Variants in FGF14 observed in about 807,000 individuals in gnomAD.
FGF14 encodes the protein fibroblast growth factor 14, also known as fibroblast growth factor homologous factor 4.
In FGF14, 5 loss-of-function variants were observed where a neutral mutation model predicts 25.5. The observed-to-expected ratio is 0.20, with a 90% CI of 0.10 to 0.41. The LOEUF (loss-of-function observed/expected upper bound fraction) is 0.41, where lower values mean the gene tolerates loss of function less well. Ranked by LOEUF, FGF14 falls within the 10% of genes least tolerant of loss-of-function variation. The pLI, the probability that FGF14 is intolerant of heterozygous loss-of-function variation, is 1.00. For missense variants in FGF14, 222 were observed against 320.1 expected (o/e 0.69, Z 2.34); for synonymous variants, 138 against 118.3 (o/e 1.17, Z -1.08).
At chr13:102,363,420 G>A (rs1191088947) in intron 1 of FGF14, among the ~76,000 whole-genome samples, 1 of 152,200 alleles carries the variant, frequency 6.6e-6, no homozygotes, top group Non-Finnish European at 1.5e-5. Context: ...ATGGTCAACT[G>A]GGAAATCAGA....
intron 3 of FGF14, among the ~76,000 whole-genome samples, chr13:101,759,254 A>G (rs1031901624): frequency 6.6e-6 from 1 of 152,124 alleles, no homozygotes; most frequent in Non-Finnish European, 1.5e-5. Flanking sequence ...GGCCAATGAG[A>G]TGCTCTCAAC....
At chr13:102,132,481 G>A (rs759418808) in intron 1 of FGF14, among the ~76,000 whole-genome samples, 12 of 151,078 alleles carry the variant, frequency 7.9e-5, no homozygotes, top group Admixed American at 1.3e-4. Flanking sequence ...TTTCTGTCTC[G>A]TCTCTTAAAA....
At chr13:102,368,513 G>A (rs1427719048) in intron 1 of FGF14, among the ~76,000 whole-genome samples, 3 of 151,984 alleles carry the variant, frequency 2.0e-5, no homozygotes, top group East Asian at 1.9e-4. Flanking sequence ...TCCCCTCATC[G>A]GACCTTCTCC....
chr13:101,916,136 C>T (rs1200123061), intron 1 of FGF14, among the ~76,000 whole-genome samples: 1 of 152,218 alleles, frequency 6.6e-6, no homozygotes, highest in Non-Finnish European at 1.5e-5. Flanking sequence ...AGAGCCAGTG[C>T]CAGTCCCTAT....
chr13:102,082,236 G>GAA (rs757564981), intron 1 of FGF14, among the ~76,000 whole-genome samples: 100 of 115,764 alleles, frequency 8.6e-4, no homozygotes, highest in African/African-American at 1.9e-3. Flanking sequence ...GGGGCTTAAG[G>GAA]AAAAAAAAAA....
At chr13:102,395,714 G>A (rs7993919) in intron 1 of FGF14, 21,853 of 152,140 alleles carry the variant, frequency 0.14, 2,056 homozygotes, top group African/African-American at 0.25. Flanking sequence ...ACCATGTGTC[G>A]TGAACAGAGT....
intron 1 of FGF14, among the ~76,000 whole-genome samples, chr13:102,041,091 C>T (rs2041710112): frequency 6.6e-6 from 1 of 151,828 alleles, no homozygotes; most frequent in Non-Finnish European, 1.5e-5. Context: ...TCCAGTCCCT[C>T]CTTTTACAAA....
intron 1 of FGF14, among the ~76,000 whole-genome samples, chr13:102,201,903 G>A (rs150430088): frequency 2.0e-3 from 309 of 152,112 alleles, no homozygotes; most frequent in African/African-American, 6.9e-3. Flanking sequence ...CAAATCTCCC[G>A]TTGGATTATA....
intron 1 of FGF14, among the ~76,000 whole-genome samples, chr13:102,346,566 TTA>T (rs905022666): frequency 3.3e-5 from 5 of 152,044 alleles, no homozygotes; most frequent in Non-Finnish European, 5.9e-5. Flanking sequence ...CCATATATAT[TTA>T]TATATATAGA....
intron 1 of FGF14, among the ~76,000 whole-genome samples, chr13:102,060,719 T>C (rs1350229695): frequency 1.3e-5 from 2 of 152,066 alleles, no homozygotes; most frequent in African/African-American, 4.8e-5. Context: ...AGCAGGGAAG[T>C]GCTGGGTAGA....
chr13:102,198,715 T>C (rs1354845577), intron 1 of FGF14, among the ~76,000 whole-genome samples: 1 of 152,184 alleles, frequency 6.6e-6, no homozygotes, highest in Admixed American at 6.5e-5. Context: ...CATTTAAATA[T>C]TGAGAGGAAA....
chr13:102,104,728 G>A (rs2044822077), intron 1 of FGF14, among the ~76,000 whole-genome samples: 2 of 152,194 alleles, frequency 1.3e-5, no homozygotes. Context: ...AAAGGCTGCA[G>A]TGAGCTGTGA....
At chr13:102,370,648 ATTATT>A (rs1373553310) in intron 1 of FGF14, among the ~76,000 whole-genome samples, 1 of 151,236 alleles carries the variant, frequency 6.6e-6, no homozygotes, top group African/African-American at 2.4e-5. Context: ...AGACAACTGG[ATTATT>A]TTATTTAACT....
At chr13:102,114,459 G>A (rs965346645) in intron 1 of FGF14, among the ~76,000 whole-genome samples, 1 of 152,116 alleles carries the variant, frequency 6.6e-6, no homozygotes, top group African/African-American at 2.4e-5. Context: ...TGAGCTTTTG[G>A]TGTCAATTCC....
chr13:102,339,683 TATCA>T (rs1344381917), intron 1 of FGF14, among the ~76,000 whole-genome samples: 7 of 152,168 alleles, frequency 4.6e-5, no homozygotes, highest in Non-Finnish European at 1.0e-4. Context: ...CTAGCAAAAT[TATCA>T]ATCCAAAAGG....
chr13:102,092,963 G>A lies in FGF14; in HGVS notation c.209-217667C>T, dbSNP rs150783842. Reference sequence around the variant, plus strand: ...ATTAGAGGGCCCTCAAGATTAAGCTGAAGTTAGGGGAGAAAGTACACATGC... The same window carrying A: ...ATTAGAGGGCCCTCAAGATTAAGCTAAAGTTAGGGGAGAAAGTACACATGC... On this transcript the variant is annotated intron_variant, in intron 1 of 4. Coordinates refer to the FGF14 transcript ENST00000376131. 3.7e-3 allele frequency among the ~76,000 whole-genome samples: 560 copies of A among 152,320 alleles called. 8 individuals are homozygous for A. In the South Asian group the frequency reaches 0.047, roughly 13 times the overall value.
intron 1 of FGF14, among the ~76,000 whole-genome samples, chr13:102,155,173 AC>A (rs1555367909): frequency 2.6e-5 from 4 of 152,112 alleles, no homozygotes; most frequent in Non-Finnish European, 5.9e-5. Flanking sequence ...CTAATAGACA[AC>A]TACAGTACTC....
chr13:101,801,709 G>C (rs2040879876), intron 3 of FGF14, among the ~76,000 whole-genome samples: 1 of 152,216 alleles, frequency 6.6e-6, no homozygotes, highest in Admixed American at 6.5e-5. Context: ...GACTTTGGCA[G>C]AGTTCAGTGT....
intron 1 of FGF14, among the ~76,000 whole-genome samples, chr13:101,915,671 G>A (rs1229633639): frequency 6.6e-6 from 1 of 152,156 alleles, no homozygotes; most frequent in Non-Finnish European, 1.5e-5. Flanking sequence ...CTGTAGTAAG[G>A]TAACTATTCT....
Sources: gnomAD v4.1 joint callset for allele counts (sites outside exome capture counted in the v4.1 genomes callset) on GRCh38, gnomAD v4.1.1 for gene constraint, MANE v1.5 for transcripts, NCBI Gene and HGNC (gene_info 2026-07-23, HGNC 2026-07-21) for gene names.